Variants in SHOC1 observed in about 807,000 individuals in gnomAD.
SHOC1 encodes protein shortage in chiasmata 1 ortholog.
A neutral mutation model predicts 179.2 loss-of-function variants in SHOC1; 136 were observed. The observed-to-expected ratio is 0.76, with a 90% confidence interval of 0.66 to 0.87. The LOEUF is 0.87. Among genes scored for constraint, SHOC1 ranks in the 40% least tolerant of loss-of-function variants. The pLI, the probability that SHOC1 is intolerant of heterozygous loss-of-function variation, is 0.00. For missense variants in SHOC1, 1,538 were observed against 1,700.8 expected (o/e 0.90, Z 1.68); for synonymous variants, 489 against 586.6 (o/e 0.83, Z 2.41).
chr9:111,706,503 TA>T, intron 20 of SHOC1, 64 bp downstream of exon 20: 1 of 1,242,518 alleles, frequency 8.0e-7, no homozygotes, highest in Non-Finnish European at 1.1e-6. Flanking sequence ...CTATAAATCA[TA>T]AACAAAAAAT....
intron 16 of SHOC1, among the ~76,000 whole-genome samples, chr9:111,716,380 CCTTTTTTT>C (rs1306771973): frequency 1.5e-5 from 2 of 130,108 alleles, no homozygotes; most frequent in Non-Finnish European, 3.1e-5. Flanking sequence ...TTCTTTTCTC[CCTTTTTTT>C]TTTTTTTTTT....
chr9:111,722,026 C>T (rs1414570038), intron 15 of SHOC1, among the ~76,000 whole-genome samples: 1 of 152,118 alleles, frequency 6.6e-6, no homozygotes, highest in Non-Finnish European at 1.5e-5. Flanking sequence ...TAAATCTAGT[C>T]CCTGTTACTC....
intron 26 of SHOC1, among the ~76,000 whole-genome samples, chr9:111,693,597 AT>A (rs1015495078): frequency 6.6e-6 from 1 of 151,892 alleles, no homozygotes; most frequent in African/African-American, 2.4e-5. Flanking sequence ...AATAAATAAA[AT>A]AAAAAATAAA....
chr9:111,714,256 A>G (rs1257301005), intron 17 of SHOC1, among the ~76,000 whole-genome samples, 189 bp downstream of exon 17: 1 of 152,214 alleles, frequency 6.6e-6, no homozygotes, highest in Non-Finnish European at 1.5e-5. Flanking sequence ...AATTTGAGAC[A>G]TGAATAATGA....
At chr9:111,705,145 A>G in intron 21 of SHOC1, 102 bp downstream of exon 21, 1 of 452,588 alleles carries the variant, frequency 2.2e-6, no homozygotes. Flanking sequence ...TATACAGCAT[A>G]ATATTTAGCC....
chr9:111,709,237 G>A (rs1832418923), intron 18 of SHOC1, among the ~76,000 whole-genome samples: 1 of 152,216 alleles, frequency 6.6e-6, no homozygotes, highest in Admixed American at 6.5e-5. Flanking sequence ...AGCTACCCGG[G>A]AGGGTAAGGC....
At chr9:111,767,279 G>A (rs1241571574) in intron 5 of SHOC1, among the ~76,000 whole-genome samples, 11 of 152,100 alleles carry the variant, frequency 7.2e-5, no homozygotes, top group Admixed American at 7.2e-4. Context: ...CCAATGTCCT[G>A]GAGCATATCC....
chr9:111,691,939 G>C lies in SHOC1; in HGVS notation c.4038C>G (p.Ile1346Met), dbSNP rs1396958363. 2 of 1,613,790 alleles carry C rather than the reference G, an allele frequency of 1.2e-6. No individual in the cohort carries two copies. The highest frequency in any genetic ancestry group is 1.7e-6 in the Non-Finnish European group (2 of 1,179,940). The change falls in exon 27 of 28, where the codon ATC becomes ATG. Residue 1346 changes from isoleucine (I) to methionine (M), a missense_variant. Transcript: ENST00000682961. ...GAGATTGAGTGCCCTCTAGTGAAAAGATAGGGTCCGATACATCTTTATTTA... is the reference window on the plus strand; with the variant it reads ...GAGATTGAGTGCCCTCTAGTGAAAACATAGGGTCCGATACATCTTTATTTA... ...GFINKDVSDPIFSLEGTQSPL... is the reference protein window; with the variant it reads ...GFINKDVSDPMFSLEGTQSPL...
rs1564161086 is a variant in SHOC1 at position 111,769,975 on chromosome 9, G to GTTTGTTTTTTTTTTTTT, written c.442+5815_442+5816insAAAAAAAAAAAAACAAA. Among the ~76,000 whole-genome samples the GTTTGTTTTTTTTTTTTT allele has an allele frequency of 1.5e-4, 13 of 87,794 alleles. 1 individual carries two copies. Among genetic ancestry groups the GTTTGTTTTTTTTTTTTT allele is most frequent in the African/African-American group, 3.2e-4 (6 of 18,786 alleles). The allele number at this position is 87,794 out of a possible 152,430, so 57.6% of individuals were successfully genotyped here. Reference sequence around the variant, plus strand: ...AATCTAGCGAAAGGTTTTATCTTCTGTTTTTTTTTTGTTTTTTTTTTTTTT... The same window carrying GTTTGTTTTTTTTTTTTT: ...AATCTAGCGAAAGGTTTTATCTTCTGTTTGTTTTTTTTTTTTTTTTTTTTTTTGTTTTTTTTTTTTTT... On this transcript the variant is annotated intron_variant, in intron 5 of 27. Coordinates refer to ENST00000682961, the MANE Select transcript of SHOC1 (RefSeq NM_001378211.1).
chr9:111,710,561 A>C (rs1369769184), intron 18 of SHOC1, among the ~76,000 whole-genome samples: 1 of 152,114 alleles, frequency 6.6e-6, no homozygotes, highest in Non-Finnish European at 1.5e-5. Context: ...AGTGCTGGGA[A>C]TAAAAATTAG....
intron 17 of SHOC1, among the ~76,000 whole-genome samples, chr9:111,713,668 G>A (rs10981033): frequency 0.057 from 8,643 of 152,132 alleles, 612 homozygotes; most frequent in African/African-American, 0.17. Context: ...AGGAGGCACA[G>A]AACGAAAAAT....
At chr9:111,757,539 G>GAA (rs1834923886) in intron 7 of SHOC1, among the ~76,000 whole-genome samples, 1 of 152,154 alleles carries the variant, frequency 6.6e-6, no homozygotes, top group Non-Finnish European at 1.5e-5. Context: ...TGACCATTTT[G>GAA]TGTGCTATTG....
intron 27 of SHOC1, among the ~76,000 whole-genome samples, chr9:111,690,779 A>G (rs1036034770): frequency 6.6e-6 from 1 of 152,214 alleles, no homozygotes; most frequent in Non-Finnish European, 1.5e-5. Flanking sequence ...AGCTTATACA[A>G]TTTGGGAGCC....
Position 111,686,628 on chromosome 9 carries a change from T to C in SHOC1, c.*142A>G. The stretch of plus-strand genomic sequence containing the variant: ...GCAAACCATAGGGCAGAATACATAT[T>C]ATGAATATTTAATACAGAAATACTG... On this transcript the variant is annotated 3_prime_UTR_variant, in exon 28 of 28. Transcript: ENST00000682961. 1.7e-6 allele frequency: 1 copy of C among 573,490 alleles called. No individual in the cohort carries two copies. The highest frequency in any genetic ancestry group is 3.1e-6 in the Non-Finnish European group (1 of 320,126). The allele number at this position is 573,490 out of a possible 1,614,324, so 35.5% of individuals were successfully genotyped here. A position where few individuals can be genotyped will look rare whatever the true frequency, so the allele number is the denominator to read the frequency against.
Position 111,775,957 on chromosome 9 carries a change from C to G in SHOC1, c.276G>C (p.Met92Ile). 1 of 1,612,332 alleles carries G rather than the reference C, an allele frequency of 6.2e-7. No individual in the cohort carries two copies. The highest frequency in any genetic ancestry group is 8.5e-7 in the Non-Finnish European group (1 of 1,179,354). ...CAAATTCACAATTAATCTGGGTCAC[C>G]ATTCTTGTAATTGTTTTTCTGTGAC... is the stretch of plus-strand genomic sequence containing the variant. ...DFLEKKTITR[M>I]VTQINCEFEE... The change falls in exon 5 of 28, where the codon ATG becomes ATC. Residue 92 changes from methionine (M) to isoleucine (I), a missense_variant. Coordinates refer to ENST00000682961, the MANE Select transcript of SHOC1 (RefSeq NM_001378211.1).
intron 16 of SHOC1, among the ~76,000 whole-genome samples, chr9:111,716,696 ATAT>A (rs780362229): frequency 3.9e-5 from 6 of 151,990 alleles, no homozygotes; most frequent in Non-Finnish European, 8.8e-5. Context: ...CAGCCCATGA[ATAT>A]TATTTATTTA....
chr9:111,754,145 A>G (rs1310906928), intron 8 of SHOC1, among the ~76,000 whole-genome samples: 1 of 152,204 alleles, frequency 6.6e-6, no homozygotes, highest in Non-Finnish European at 1.5e-5. Context: ...TATGTTATAC[A>G]CCTGAAGTAT....
intron 5 of SHOC1, among the ~76,000 whole-genome samples, chr9:111,760,781 A>C (rs998245497): frequency 6.6e-6 from 1 of 151,784 alleles, no homozygotes; most frequent in African/African-American, 2.4e-5. Flanking sequence ...AATTTGAAAA[A>C]AAGGCAAGAT....
intron 12 of SHOC1, among the ~76,000 whole-genome samples, chr9:111,734,765 T>C (rs142946681): frequency 8.2e-4 from 125 of 152,316 alleles, no homozygotes; most frequent in African/African-American, 2.7e-3. Context: ...GGAGCACTTA[T>C]ACATCTGTTA....
Sources: allele counts gnomAD v4.1 joint callset (sites outside exome capture counted in the v4.1 genomes callset), GRCh38; gene constraint gnomAD v4.1.1; transcripts MANE v1.5; gene names NCBI Gene and HGNC (gene_info 2026-07-23, HGNC 2026-07-21).